LRIG1: variants seen among roughly 807,000 people sequenced by gnomAD.
LRIG1 encodes the protein leucine rich repeats and immunoglobulin like domains 1, also known as leucine-rich repeats and immunoglobulin-like domains protein 1.
A neutral mutation model predicts 99.2 loss-of-function variants in LRIG1; 48 were observed. The ratio of observed to expected loss-of-function variants is 0.48; its 90% confidence interval spans 0.38 to 0.62. The LOEUF (loss-of-function observed/expected upper bound fraction) is 0.62, where lower values mean the gene tolerates loss of function less well. Ranked by LOEUF, LRIG1 falls within the 20% of genes least tolerant of loss-of-function variation. LRIG1 has a pLI of 0.00. For missense variants in LRIG1, 1,646 were observed against 1,434.4 expected (o/e 1.15, Z -2.38); for synonymous variants, 772 against 596.1 (o/e 1.29, Z -4.30).
rs1575647778 is a variant in LRIG1 at position 66,386,521 on chromosome 3, T to C, written c.1469-220A>G. 21 of 529,120 alleles carry C rather than the reference T, an allele frequency of 4.0e-5. No individual in the cohort carries two copies. In the East Asian group the frequency reaches 6.5e-4, roughly 16 times the overall value. The allele number at this position is 529,120 out of a possible 1,614,324, so 32.8% of individuals were successfully genotyped here. ...CTGTGAGTACTGATCACCTTTATGA[T>C]CACACTCCTTGATTAGAAATTAACC... On this transcript the variant is annotated intron_variant, in intron 12 of 18. Coordinates refer to ENST00000273261, the MANE Select transcript of LRIG1 (RefSeq NM_015541.3).
chr3:66,457,048 C>T (rs1700243234), intron 2 of LRIG1, among the ~76,000 whole-genome samples: 1 of 152,256 alleles, frequency 6.6e-6, no homozygotes, highest in African/African-American at 2.4e-5. Flanking sequence ...CTTCTCTCTC[C>T]AGCCGGCCCA....
chr3:66,404,801 A>C (rs1702200834), intron 9 of LRIG1, among the ~76,000 whole-genome samples: 1 of 152,234 alleles, frequency 6.6e-6, no homozygotes, highest in Non-Finnish European at 1.5e-5. Context: ...TGACGAAAGT[A>C]CTGACAGGAG....
chr3:66,398,733 T>C (rs751775373), intron 10 of LRIG1, among the ~76,000 whole-genome samples: 4 of 152,204 alleles, frequency 2.6e-5, no homozygotes, highest in Non-Finnish European at 5.9e-5. Flanking sequence ...AGGGTATTTA[T>C]CCAAATACCA....
chr3:66,441,142 CCT>C (rs1703526045), intron 3 of LRIG1, among the ~76,000 whole-genome samples: 1 of 152,140 alleles, frequency 6.6e-6, no homozygotes, highest in African/African-American at 2.4e-5. Flanking sequence ...GCCAGTGGCC[CCT>C]GAGAGGGCAG....
intron 12 of LRIG1, chr3:66,388,109 AAAAAAAAAAAAAAAAAAAAAAAAG>A (rs1006856424): frequency 8.0e-5 from 11 of 137,738 alleles, no homozygotes; most frequent in Admixed American, 4.2e-4. Flanking sequence ...TCTGTCTCAA[AAAAAAAAAAAAAAAAAAAAAAAAG>A]GATAAAGTAT....
chr3:66,429,521 A>C (rs1277234704), intron 3 of LRIG1, among the ~76,000 whole-genome samples: 1 of 152,240 alleles, frequency 6.6e-6, no homozygotes, highest in Non-Finnish European at 1.5e-5. Context: ...TGAGAAAGGC[A>C]AAACTATGGA....
intron 2 of LRIG1, among the ~76,000 whole-genome samples, 191 bp downstream of exon 2, chr3:66,462,247 C>T (rs1456874895): frequency 6.6e-6 from 1 of 152,180 alleles, no homozygotes; most frequent in Non-Finnish European, 1.5e-5. Context: ...AATTGTAACA[C>T]ACCCTTCAAG....
intron 3 of LRIG1, among the ~76,000 whole-genome samples, chr3:66,421,164 G>C (rs898071494): frequency 6.6e-6 from 1 of 151,968 alleles, no homozygotes; most frequent in Non-Finnish European, 1.5e-5. Context: ...ATTTGGGTGG[G>C]GACACAGCCA....
chr3:66,487,136 G>C (rs1334375633), intron 1 of LRIG1, among the ~76,000 whole-genome samples: 1 of 152,144 alleles, frequency 6.6e-6, no homozygotes, highest in Non-Finnish European at 1.5e-5. Context: ...AAGGAAGAGA[G>C]GACTATCCAT....
chr3:66,381,052 T>C (rs1237389516), intron 17 of LRIG1, 191 bp from the exon 18 acceptor site: 5 of 618,318 alleles, frequency 8.1e-6, no homozygotes, highest in Non-Finnish European at 1.4e-5. Flanking sequence ...ACTCATGAAC[T>C]GTGGGGTCTT....
intron 1 of LRIG1, among the ~76,000 whole-genome samples, chr3:66,480,887 A>C (rs1380319281): frequency 6.6e-6 from 1 of 152,210 alleles, no homozygotes; most frequent in Non-Finnish European, 1.5e-5. Flanking sequence ...GGGAGAAAAT[A>C]AATCAGTTAG....
At chr3:66,405,684 C>A in intron 8 of LRIG1, 1 of 1,084,026 alleles carries the variant, frequency 9.2e-7, no homozygotes, top group Non-Finnish European at 1.1e-6. Flanking sequence ...TGGACATGAC[C>A]GAGAAACTGC....
At chr3:66,395,954 C>T (rs138013498) in intron 11 of LRIG1, among the ~76,000 whole-genome samples, 147 of 152,302 alleles carry the variant, frequency 9.7e-4, no homozygotes, top group Non-Finnish European at 1.7e-3. Context: ...CATCCCTGTG[C>T]GACGTTAAGC....
intron 1 of LRIG1, among the ~76,000 whole-genome samples, chr3:66,478,537 G>A (rs756611954): frequency 1.3e-5 from 2 of 152,190 alleles, no homozygotes; most frequent in Non-Finnish European, 2.9e-5. Context: ...CAGGGAGTCT[G>A]CCCTCACATT....
intron 1 of LRIG1, among the ~76,000 whole-genome samples, chr3:66,493,080 T>C (rs1227944906): frequency 1.4e-5 from 2 of 139,866 alleles, no homozygotes; most frequent in African/African-American, 6.7e-5. Context: ...CTGTCCTCCC[T>C]CCTCCCTCCT....
chr3:66,486,957 C>T (rs907992775), intron 1 of LRIG1, among the ~76,000 whole-genome samples: 1 of 152,126 alleles, frequency 6.6e-6, no homozygotes, highest in Admixed American at 6.5e-5. Context: ...CTTGGAATTC[C>T]CTTCGCCCTC....
chr3:66,385,798 A>T (rs1409530414), intron 13 of LRIG1, among the ~76,000 whole-genome samples, 183 bp downstream of exon 13: 1 of 152,224 alleles, frequency 6.6e-6, no homozygotes, highest in East Asian at 1.9e-4. Flanking sequence ...ACTCATTGTG[A>T]ATAACCCTTG....
At chr3:66,406,799 C>T (rs1308458994) in intron 8 of LRIG1, among the ~76,000 whole-genome samples, 15 of 152,136 alleles carry the variant, frequency 9.9e-5, no homozygotes, top group Non-Finnish European at 5.9e-5. Flanking sequence ...AACTGACCCC[C>T]GACGAGGTAC....
At chr3:66,447,273 C>G (rs374026487) in intron 3 of LRIG1, among the ~76,000 whole-genome samples, 148 of 152,258 alleles carry the variant, frequency 9.7e-4, no homozygotes, top group African/African-American at 3.4e-3. Context: ...TTATTATTGG[C>G]TATAGTCACC....
Sources: allele counts gnomAD v4.1 joint callset (sites outside exome capture counted in the v4.1 genomes callset), GRCh38; gene constraint gnomAD v4.1.1; transcripts MANE v1.5; gene names NCBI Gene and HGNC (gene_info 2026-07-23, HGNC 2026-07-21).